The following NR6A1 variants were observed in gnomAD, a reference collection of about 807,000 sequenced individuals.
NR6A1 encodes nuclear receptor subfamily 6 group A member 1, also known as retinoic acid receptor-related testis-associated receptor.
NR6A1 carries 7 observed loss-of-function variants against 59.1 expected under a neutral mutation model. The observed-to-expected ratio is 0.12, with a 90% CI of 0.07 to 0.22. The LOEUF (loss-of-function observed/expected upper bound fraction) is 0.22, where lower values mean the gene tolerates loss of function less well. NR6A1 is among the 10% of genes least tolerant of loss of function. The probability of loss-of-function intolerance (pLI) is 1.00; values close to 1 mark genes in which losing one functional copy is unlikely to be tolerated. For missense variants in NR6A1, 468 were observed against 611.6 expected (o/e 0.77, Z 2.48); for synonymous variants, 243 against 236.1 (o/e 1.03, Z -0.27).
At position 124,522,465 on chromosome 9, in the gene NR6A1, C is replaced by A; in HGVS notation, c.*240G>T. On this transcript the variant is annotated 3_prime_UTR_variant, in exon 10 of 10. Transcript: ENST00000487099. Reference sequence around the variant, plus strand: ...AAACTGTAAGAAAATGCATTGGCTGCATTCACACAAAAGCATGTGCATCAT... The same window carrying A: ...AAACTGTAAGAAAATGCATTGGCTGAATTCACACAAAAGCATGTGCATCAT... 1 of 341,584 alleles carries A rather than the reference C, an allele frequency of 2.9e-6. No individual in the cohort carries two copies. The highest frequency in any genetic ancestry group is 5.6e-6 in the Non-Finnish European group (1 of 179,550). The allele number at this position is 341,584 out of a possible 1,614,324, so 21.2% of individuals were successfully genotyped here.
intron 1 of NR6A1, among the ~76,000 whole-genome samples, chr9:124,750,573 A>C (rs2131171390): frequency 6.6e-6 from 1 of 152,238 alleles, no homozygotes; most frequent in South Asian, 2.1e-4. Flanking sequence ...AGCCTGGCCA[A>C]TATGGTGAAA....
intron 1 of NR6A1, among the ~76,000 whole-genome samples, chr9:124,757,708 A>T (rs1182468230): frequency 1.3e-5 from 2 of 152,210 alleles, no homozygotes; most frequent in Non-Finnish European, 2.9e-5. Context: ...TAAATATACG[A>T]TGCAGCTGTA....
chr9:124,531,078 GCAT>G (rs749765653), intron 7 of NR6A1, among the ~76,000 whole-genome samples: 6 of 152,216 alleles, frequency 3.9e-5, no homozygotes, highest in Non-Finnish European at 8.8e-5. Flanking sequence ...ATTACAAATA[GCAT>G]CATCATCTCT....
intron 2 of NR6A1, among the ~76,000 whole-genome samples, chr9:124,699,104 A>G (rs1838855608): frequency 6.6e-6 from 1 of 152,166 alleles, no homozygotes; most frequent in Non-Finnish European, 1.5e-5. Context: ...CTTCTCTGTA[A>G]AAGGACGACT....
chr9:124,574,913 T>C (rs1834546422), intron 2 of NR6A1, among the ~76,000 whole-genome samples: 1 of 152,198 alleles, frequency 6.6e-6, no homozygotes, highest in South Asian at 2.1e-4. Context: ...TGGGTTAATA[T>C]TATTGATCAG....
chr9:124,533,258 T>C (rs547405624), intron 7 of NR6A1, among the ~76,000 whole-genome samples: 189 of 152,268 alleles, frequency 1.2e-3, no homozygotes, highest in Admixed American at 3.8e-3. Flanking sequence ...AACACCCCTA[T>C]GGAGCAGAGT....
At chr9:124,567,815 G>A (rs1269147312) in intron 2 of NR6A1, among the ~76,000 whole-genome samples, 1 of 144,066 alleles carries the variant, frequency 6.9e-6, no homozygotes, top group African/African-American at 2.6e-5. Flanking sequence ...TCAAGCAGAT[G>A]CTTTTTAAAA....
chr9:124,730,532 GC>G (rs1023755633), intron 2 of NR6A1, among the ~76,000 whole-genome samples: 1 of 149,544 alleles, frequency 6.7e-6, no homozygotes, highest in African/African-American at 2.5e-5. Context: ...ATCATGCCCT[GC>G]CAGTAAGTAC....
chr9:124,648,417 A>G (rs1713355450), intron 2 of NR6A1, among the ~76,000 whole-genome samples: 1 of 152,230 alleles, frequency 6.6e-6, no homozygotes, highest in Admixed American at 6.5e-5. Context: ...ACCACTTCAT[A>G]ATAAAAACTC....
intron 2 of NR6A1, among the ~76,000 whole-genome samples, chr9:124,643,600 CAA>C (rs758727432): frequency 2.9e-4 from 27 of 93,276 alleles, no homozygotes; most frequent in South Asian, 7.4e-4. Context: ...GACCCAATCT[CAA>C]AAAAAAAAAA....
At chr9:124,657,749 C>A (rs944949788) in intron 2 of NR6A1, among the ~76,000 whole-genome samples, 1 of 150,356 alleles carries the variant, frequency 6.7e-6, no homozygotes, top group Non-Finnish European at 1.5e-5. Context: ...CTTCCCCCCC[C>A]CAGCAACCCC....
In NR6A1 at chr9:124,626,184, T is replaced by C. The variant is rs865960667; in HGVS notation, c.143-71614A>G. ...CCATGCCCAGCTAATTTTTGTATTTTCCGTAGAGACAGGGTTTCACCATGC... is the reference window on the plus strand; with the variant it reads ...CCATGCCCAGCTAATTTTTGTATTTCCCGTAGAGACAGGGTTTCACCATGC... On this transcript the variant is annotated intron_variant, in intron 2 of 9. Coordinates refer to ENST00000487099, the MANE Select transcript of NR6A1 (RefSeq NM_033334.4). Among the ~76,000 whole-genome samples the C allele has an allele frequency of 2.0e-5, 3 of 152,290 alleles. No homozygotes were observed. The East Asian group carries it at 5.8e-4, about 29-fold the overall frequency.
At chr9:124,595,728 G>T in intron 2 of NR6A1, 1 of 1,211,242 alleles carries the variant, frequency 8.3e-7, no homozygotes, top group Non-Finnish European at 1.1e-6. Flanking sequence ...CCTTAGATTT[G>T]GGCCCCAGAC....
At chr9:124,634,684 T>C (rs887652711) in intron 2 of NR6A1, among the ~76,000 whole-genome samples, 3 of 152,108 alleles carry the variant, frequency 2.0e-5, no homozygotes, top group African/African-American at 7.2e-5. Context: ...TAGCTGGGCA[T>C]GGTGGCGGGC....
intron 2 of NR6A1, among the ~76,000 whole-genome samples, chr9:124,675,598 A>G (rs565661974): frequency 8.5e-5 from 13 of 152,336 alleles, no homozygotes; most frequent in African/African-American, 3.1e-4. Flanking sequence ...ATTTATTCCC[A>G]ATAGCAAGGC....
At chr9:124,676,261 C>T (rs983165388) in intron 2 of NR6A1, among the ~76,000 whole-genome samples, 3 of 152,044 alleles carry the variant, frequency 2.0e-5, no homozygotes, top group Admixed American at 6.6e-5. Context: ...TTGATCCATA[C>T]AGAAAAAAAT....
At chr9:124,534,210 T>C (rs1427351855) in intron 7 of NR6A1, among the ~76,000 whole-genome samples, 2 of 151,896 alleles carry the variant, frequency 1.3e-5, no homozygotes, top group Admixed American at 6.6e-5. Context: ...GTACCTGGGA[T>C]TACAGGCATG....
intron 1 of NR6A1, among the ~76,000 whole-genome samples, chr9:124,757,986 G>A (rs1216761233): frequency 2.0e-5 from 3 of 152,224 alleles, no homozygotes; most frequent in Non-Finnish European, 4.4e-5. Flanking sequence ...AAGGCTCGCA[G>A]CAGATAGGAA....
chr9:124,650,500 G>C (rs1199462884), intron 2 of NR6A1, among the ~76,000 whole-genome samples: 2 of 152,140 alleles, frequency 1.3e-5, no homozygotes, highest in African/African-American at 4.8e-5. Context: ...CAGTTAGAGA[G>C]AAGGAATAAG....
Sources: allele counts gnomAD v4.1 joint callset (sites outside exome capture counted in the v4.1 genomes callset), GRCh38; gene constraint gnomAD v4.1.1; transcripts MANE v1.5; gene names NCBI Gene and HGNC (gene_info 2026-07-23, HGNC 2026-07-21).